Variants in LRP1B observed in about 807,000 individuals in gnomAD.
LRP1B encodes the protein low-density lipoprotein receptor-related protein 1B.
In LRP1B, 217 loss-of-function variants were observed where a neutral mutation model predicts 556.6. The observed-to-expected ratio is 0.39, with a 90% confidence interval of 0.35 to 0.44. LRP1B has a LOEUF of 0.44. LRP1B is among the 20% of genes least tolerant of loss of function. The pLI, the probability that LRP1B is intolerant of heterozygous loss-of-function variation, is 1.00. For synonymous variants in LRP1B, 2,047 were observed against 1,865.8 expected (o/e 1.10, Z -2.50); for missense variants, 5,053 against 5,620.8 (o/e 0.90, Z 3.23).
At chr2:142,078,295 T>G (rs764506965) in intron 1 of LRP1B, among the ~76,000 whole-genome samples, 2 of 152,182 alleles carry the variant, frequency 1.3e-5, no homozygotes, top group South Asian at 2.1e-4. Flanking sequence ...CCTTTGCTTA[T>G]GCTATACTTC....
chr2:141,839,069 T>C (rs1697380584), intron 1 of LRP1B, among the ~76,000 whole-genome samples: 1 of 152,212 alleles, frequency 6.6e-6, no homozygotes, highest in African/African-American at 2.4e-5. Flanking sequence ...GTACAGTATA[T>C]ATTATACTTT....
intron 2 of LRP1B, among the ~76,000 whole-genome samples, chr2:141,809,308 T>C (rs10496898): frequency 0.42 from 63,296 of 151,930 alleles, 13,590 homozygotes; most frequent in East Asian, 0.5. Context: ...GACTTGTAAA[T>C]GGAAAGATGA....
chr2:141,600,917 C>T (rs1331662258), intron 2 of LRP1B, among the ~76,000 whole-genome samples: 1 of 152,154 alleles, frequency 6.6e-6, no homozygotes, highest in Non-Finnish European at 1.5e-5. Context: ...GCTGGCATCT[C>T]CTGATTAGGG....
At chr2:141,087,240 T>C (rs990829449) in intron 7 of LRP1B, among the ~76,000 whole-genome samples, 4 of 152,048 alleles carry the variant, frequency 2.6e-5, no homozygotes, top group African/African-American at 9.7e-5. Context: ...GTTCATTCCT[T>C]CTGATTTGTG....
chr2:140,595,814 A>G lies in LRP1B; in HGVS notation c.7194+2817T>C, dbSNP rs567496178. 3.3e-5 allele frequency among the ~76,000 whole-genome samples: 5 copies of G among 152,312 alleles called. No individual in the cohort carries two copies. The East Asian group carries it at 7.7e-4, about 24-fold the overall frequency. On this transcript the variant is annotated intron_variant, in intron 43 of 90. Transcript: ENST00000389484. ...GATTTTAAATGACTTGGTAATGTTC[A>G]TGCAATTAGTCAATACCAAATGTGA... is the stretch of plus-strand genomic sequence containing the variant.
intron 11 of LRP1B, among the ~76,000 whole-genome samples, chr2:141,032,169 C>A (rs1217478546): frequency 2.0e-5 from 3 of 152,028 alleles, no homozygotes; most frequent in Non-Finnish European, 4.4e-5. Flanking sequence ...TCTTTTAACT[C>A]ACTTTGTCTA....
chr2:141,917,921 C>T (rs1024278793), intron 1 of LRP1B, among the ~76,000 whole-genome samples: 5 of 152,072 alleles, frequency 3.3e-5, no homozygotes, highest in Admixed American at 6.6e-5. Flanking sequence ...CAACAAGAAA[C>T]AGCTAACATG....
chr2:141,447,774 C>T, intron 3 of LRP1B, among the ~76,000 whole-genome samples: 1 of 152,176 alleles, frequency 6.6e-6, no homozygotes, highest in Non-Finnish European at 1.5e-5. Context: ...CTGCCTGTTC[C>T]TTCCTCTGGA....
intron 11 of LRP1B, among the ~76,000 whole-genome samples, chr2:141,021,521 G>A (rs1279448867): frequency 6.6e-6 from 1 of 151,974 alleles, no homozygotes; most frequent in Non-Finnish European, 1.5e-5. Flanking sequence ...ATTTTCCTGA[G>A]CACTTTCCTA....
At chr2:140,972,263 TG>T (rs1158087609) in intron 18 of LRP1B, among the ~76,000 whole-genome samples, 3 of 152,018 alleles carry the variant, frequency 2.0e-5, no homozygotes, top group African/African-American at 7.2e-5. Context: ...TATAAAAGTA[TG>T]GAACAAGGAA....
chr2:141,590,327 C>T (rs1282870447), intron 2 of LRP1B, among the ~76,000 whole-genome samples: 1 of 152,118 alleles, frequency 6.6e-6, no homozygotes, highest in African/African-American at 2.4e-5. Flanking sequence ...AGATTACCAC[C>T]CTTTTAATAC....
intron 7 of LRP1B, among the ~76,000 whole-genome samples, chr2:141,098,353 A>T (rs1700372184): frequency 6.6e-6 from 1 of 152,232 alleles, no homozygotes; most frequent in South Asian, 2.1e-4. Context: ...TGTAAATACT[A>T]AAGTGCTTCT....
intron 41 of LRP1B, among the ~76,000 whole-genome samples, chr2:140,635,416 T>C (rs528426919): frequency 9.2e-5 from 14 of 151,992 alleles, no homozygotes; most frequent in Non-Finnish European, 1.8e-4. Context: ...TTCTCAGTAC[T>C]AGGGCTGTAA....
At chr2:141,429,482 T>A (rs1680489006) in intron 3 of LRP1B, among the ~76,000 whole-genome samples, 2 of 152,150 alleles carry the variant, frequency 1.3e-5, no homozygotes, top group Non-Finnish European at 2.9e-5. Context: ...ACTGTTTTTA[T>A]TTTTTTCCAG....
chr2:140,665,844 T>A (rs543200261), intron 41 of LRP1B, among the ~76,000 whole-genome samples: 98 of 152,230 alleles, frequency 6.4e-4, no homozygotes, highest in African/African-American at 2.3e-3. Context: ...TTCTGGATAA[T>A]CTACCAGAAA....
intron 3 of LRP1B, among the ~76,000 whole-genome samples, chr2:141,368,809 G>A (rs1401319421): frequency 2.6e-5 from 4 of 152,090 alleles, no homozygotes; most frequent in Non-Finnish European, 4.4e-5. Flanking sequence ...CTGACAATAA[G>A]TTCGATTGAG....
At chr2:141,669,400 T>A (rs1690576364) in intron 2 of LRP1B, among the ~76,000 whole-genome samples, 1 of 152,120 alleles carries the variant, frequency 6.6e-6, no homozygotes, top group Non-Finnish European at 1.5e-5. Context: ...AATAAATTTC[T>A]ATTGTTTAAG....
intron 66 of LRP1B, among the ~76,000 whole-genome samples, chr2:140,422,952 G>A (rs1685509003): frequency 6.6e-6 from 1 of 152,182 alleles, no homozygotes; most frequent in African/African-American, 2.4e-5. Context: ...GATGGTTAGT[G>A]ATCACTTTCC....
chr2:141,628,399 G>A (rs1435844423), intron 2 of LRP1B, among the ~76,000 whole-genome samples: 1 of 152,028 alleles, frequency 6.6e-6, no homozygotes, highest in South Asian at 2.1e-4. Context: ...CATTACAAAA[G>A]CAAACTGTAC....
Sources: allele counts gnomAD v4.1 joint callset (sites outside exome capture counted in the v4.1 genomes callset), GRCh38; gene constraint gnomAD v4.1.1; transcripts MANE v1.5; gene names NCBI Gene and HGNC (gene_info 2026-07-23, HGNC 2026-07-21).